Variants in THSD7B observed in about 807,000 individuals in gnomAD.
THSD7B encodes the protein thrombospondin type-1 domain-containing protein 7B.
In THSD7B, 138 loss-of-function variants were observed where a neutral mutation model predicts 213.6. The ratio of observed to expected loss-of-function variants is 0.65; its 90% confidence interval spans 0.56 to 0.74. THSD7B has a LOEUF of 0.74. Among genes scored for constraint, THSD7B ranks in the 30% least tolerant of loss-of-function variants. THSD7B has a pLI of 0.00. For synonymous variants in THSD7B, 742 were observed against 687.0 expected (o/e 1.08, Z -1.25); for missense variants, 1,931 against 1,991.5 (o/e 0.97, Z 0.58).
chr2:137,659,104 G>C (rs1220308903), intron 24 of THSD7B, among the ~76,000 whole-genome samples: 1 of 152,150 alleles, frequency 6.6e-6, no homozygotes, highest in Non-Finnish European at 1.5e-5. Flanking sequence ...TAGAGCTTCG[G>C]TGCTTGCTCT....
chr2:136,847,128 T>C (rs890783573), intron 1 of THSD7B, among the ~76,000 whole-genome samples: 1 of 152,150 alleles, frequency 6.6e-6, no homozygotes, highest in Non-Finnish European at 1.5e-5. Flanking sequence ...TGGAATTGCT[T>C]TGATTTGGAA....
At chr2:137,073,348 G>C (rs62171239) in intron 3 of THSD7B, among the ~76,000 whole-genome samples, 14,189 of 152,040 alleles carry the variant, frequency 0.093, 674 homozygotes, top group East Asian at 0.17. Flanking sequence ...TGTATGTGTC[G>C]AGGAATTTAT....
intron 2 of THSD7B, among the ~76,000 whole-genome samples, chr2:136,895,303 C>T (rs1683936180): frequency 6.6e-6 from 1 of 151,252 alleles, no homozygotes; most frequent in African/African-American, 2.4e-5. Flanking sequence ...GAAACTTGCC[C>T]AGTGCCCTTT....
At chr2:137,518,173 C>G (rs985414888) in intron 15 of THSD7B, among the ~76,000 whole-genome samples, 1 of 152,174 alleles carries the variant, frequency 6.6e-6, no homozygotes, top group African/African-American at 2.4e-5. Context: ...ACCCTGCCTT[C>G]TCTTCCCCAG....
intron 15 of THSD7B, among the ~76,000 whole-genome samples, chr2:137,509,956 A>G (rs1238024473): frequency 1.3e-5 from 2 of 151,880 alleles, no homozygotes; most frequent in East Asian, 1.9e-4. Context: ...TCTTTTATTT[A>G]TTGTTCGTTT....
rs569752109 is a variant in THSD7B at position 137,596,653 on chromosome 2, CT to C, written c.3424-19515del. On this transcript the variant is annotated intron_variant, in intron 17 of 27. Coordinates refer to ENST00000409968, the MANE Select transcript of THSD7B (RefSeq NM_001316349.2). Reference sequence around the variant, plus strand: ...CCTAATATAAATGGCTTCTTTTATTCTTTTTTTGTTTTCTTTCTTCTCTCCC... The same window carrying C: ...CCTAATATAAATGGCTTCTTTTATTCTTTTTTGTTTTCTTTCTTCTCTCCC... 2.3e-3 allele frequency among the ~76,000 whole-genome samples: 344 copies of C among 151,904 alleles called. 1 individual carries two copies. Among genetic ancestry groups the C allele is most frequent in the African/African-American group, 8.0e-3 (330 of 41,498 alleles).
At chr2:137,038,771 G>T (rs1376341823) in intron 2 of THSD7B, among the ~76,000 whole-genome samples, 1 of 152,238 alleles carries the variant, frequency 6.6e-6, no homozygotes, top group Non-Finnish European at 1.5e-5. Context: ...CTGCATAGCA[G>T]GCTATAGTGG....
At chr2:137,629,093 A>G (rs747138238) in intron 20 of THSD7B, among the ~76,000 whole-genome samples, 36 of 152,152 alleles carry the variant, frequency 2.4e-4, no homozygotes, top group Non-Finnish European at 4.3e-4. Context: ...ACACTGAAAG[A>G]ATTTTATTAT....
At chr2:137,405,386 C>G (rs190484322) in intron 12 of THSD7B, among the ~76,000 whole-genome samples, 5 of 152,166 alleles carry the variant, frequency 3.3e-5, no homozygotes, top group Admixed American at 3.3e-4. Context: ...GCTGTCGACG[C>G]AGGGTTTGGA....
intron 7 of THSD7B, among the ~76,000 whole-genome samples, chr2:137,179,825 C>T (rs1680420967): frequency 6.6e-6 from 1 of 152,062 alleles, no homozygotes; most frequent in Admixed American, 6.6e-5. Flanking sequence ...TGTTGTTCCC[C>T]TGCCTGAGAT....
chr2:136,819,050 C>CGGCTCT (rs1343465180), intron 1 of THSD7B, among the ~76,000 whole-genome samples: 1 of 152,108 alleles, frequency 6.6e-6, no homozygotes, highest in African/African-American at 2.4e-5. Context: ...ACGAACTGAG[C>CGGCTCT]GGCTCTGTGC....
At chr2:136,825,734 T>TTTTTTTTTTTTTTTTTTTTTA (rs1682637653) in intron 1 of THSD7B, among the ~76,000 whole-genome samples, 2 of 148,698 alleles carry the variant, frequency 1.3e-5, no homozygotes, top group Admixed American at 6.7e-5. Context: ...TTTTTTTTTT[T>TTTTTTTTTTTTTTTTTTTTTA]AGATCTGGGG....
chr2:137,174,996 C>T (rs1386211698), intron 7 of THSD7B, among the ~76,000 whole-genome samples: 7 of 152,150 alleles, frequency 4.6e-5, no homozygotes, highest in Admixed American at 1.3e-4. Context: ...ATAACTGGTT[C>T]GTTATTGCCA....
chr2:137,433,731 A>ACATCT (rs1687234390), intron 14 of THSD7B, among the ~76,000 whole-genome samples: 2 of 137,414 alleles, frequency 1.5e-5, no homozygotes, highest in Non-Finnish European at 3.2e-5. Context: ...ACTGCTCAGT[A>ACATCT]GATGACATTT....
At chr2:136,878,603 C>T (rs36187906) in intron 1 of THSD7B, among the ~76,000 whole-genome samples, 130,158 of 151,474 alleles carry the variant, frequency 0.86, 56,302 homozygotes, top group Non-Finnish European at 0.91. Context: ...TTTTAATGAT[C>T]GCCATTCTAA....
intron 13 of THSD7B, among the ~76,000 whole-genome samples, chr2:137,408,869 G>A (rs1247657023): frequency 6.6e-6 from 1 of 152,142 alleles, no homozygotes; most frequent in African/African-American, 2.4e-5. Context: ...CATGAGTTTT[G>A]ATCTGAAGGA....
intron 15 of THSD7B, among the ~76,000 whole-genome samples, chr2:137,530,700 G>T (rs1680380690): frequency 6.6e-6 from 1 of 151,924 alleles, no homozygotes; most frequent in Non-Finnish European, 1.5e-5. Flanking sequence ...CTTGATCTCA[G>T]GGGCTTGAAT....
intron 14 of THSD7B, among the ~76,000 whole-genome samples, chr2:137,450,129 A>C (rs149778946): frequency 8.6e-5 from 13 of 150,580 alleles, no homozygotes; most frequent in Non-Finnish European, 1.8e-4. Context: ...AATTTAGTGG[A>C]GAGATCTACA....
chr2:136,867,576 TATC>T (rs1558831516), intron 1 of THSD7B, among the ~76,000 whole-genome samples: 2 of 152,310 alleles, frequency 1.3e-5, no homozygotes, highest in Non-Finnish European at 2.9e-5. Flanking sequence ...GTAACAGTAA[TATC>T]ATTTCACAGA....
Sources: allele counts gnomAD v4.1 joint callset (sites outside exome capture counted in the v4.1 genomes callset), GRCh38; gene constraint gnomAD v4.1.1; transcripts MANE v1.5; gene names NCBI Gene and HGNC (gene_info 2026-07-23, HGNC 2026-07-21).